CACNA2D1: variants seen among roughly 807,000 people sequenced by gnomAD.
The protein encoded by CACNA2D1 is voltage-dependent calcium channel subunit alpha-2/delta-1.
In CACNA2D1, 53 loss-of-function variants were observed where a neutral mutation model predicts 171.5. The ratio of observed to expected loss-of-function variants is 0.31; its 90% CI spans 0.25 to 0.39. The LOEUF is 0.39. Among genes scored for constraint, CACNA2D1 ranks in the 10% least tolerant of loss-of-function variants. The pLI, the probability that CACNA2D1 is intolerant of heterozygous loss-of-function variation, is 1.00. For synonymous variants in CACNA2D1, 442 were observed against 443.1 expected, an observed-to-expected ratio of 1.00 and a Z score of 0.03; for missense variants, 903 against 1,299.8, an observed-to-expected ratio of 0.69 and a Z score of 4.69.
chr7:81,984,739 CACAA>C (rs747054957), intron 21 of CACNA2D1, 28 bp from the exon 22 acceptor site: 2 of 1,145,308 alleles, frequency 1.7e-6, no homozygotes, highest in East Asian at 2.5e-5. Flanking sequence ...GAAGCATAAA[CACAA>C]ACAAACAAAA....
At chr7:82,314,133 T>A (rs1164462118) in intron 3 of CACNA2D1, among the ~76,000 whole-genome samples, 1 of 152,208 alleles carries the variant, frequency 6.6e-6, no homozygotes, top group East Asian at 1.9e-4. Flanking sequence ...TTCTTTTATA[T>A]CTGAATCCCA....
intron 4 of CACNA2D1, among the ~76,000 whole-genome samples, chr7:82,153,114 G>A (rs1016635652): frequency 1.9e-4 from 28 of 149,396 alleles, no homozygotes; most frequent in Admixed American, 7.5e-4. Context: ...TTTCAGACAG[G>A]CACTATTCTT....
At chr7:82,376,212 C>T (rs780272748) in intron 1 of CACNA2D1, among the ~76,000 whole-genome samples, 1 of 152,064 alleles carries the variant, frequency 6.6e-6, no homozygotes, top group African/African-American at 2.4e-5. Flanking sequence ...GATATTTATC[C>T]GTCTTGCCAT....
intron 2 of CACNA2D1, among the ~76,000 whole-genome samples, chr7:82,340,110 T>G (rs768158694): frequency 6.6e-6 from 1 of 152,164 alleles, no homozygotes; most frequent in Non-Finnish European, 1.5e-5. Context: ...ATAATGAATC[T>G]GCATTGTTTT....
chr7:82,400,278 T>C (rs1419220195), intron 1 of CACNA2D1, among the ~76,000 whole-genome samples: 4 of 151,644 alleles, frequency 2.6e-5, no homozygotes, highest in East Asian at 1.9e-4. Context: ...ATTGAATCTG[T>C]AAATTACCTT....
chr7:82,168,223 A>G (rs1472301393), intron 4 of CACNA2D1, among the ~76,000 whole-genome samples: 1 of 151,878 alleles, frequency 6.6e-6, no homozygotes, highest in Non-Finnish European at 1.5e-5. Context: ...GGCTCACTGC[A>G]CCCTCCACCT....
intron 3 of CACNA2D1, among the ~76,000 whole-genome samples, chr7:82,231,475 A>G (rs924340780): frequency 6.6e-6 from 1 of 152,156 alleles, no homozygotes; most frequent in African/African-American, 2.4e-5. Flanking sequence ...TCACATTTTC[A>G]AAGAGCTATT....
rs773980191 is a variant in CACNA2D1, at chr7:81,950,426, C to A, written c.3242G>T (p.Trp1081Leu). The stretch of plus-strand genomic sequence containing the variant: ...GCGGTGTGTGCTGCCAGATACCAGC[C>A]AAAGTAGTAGAAACTGGATTCCAAT... Reference protein sequence around the residue: ...YIIGIQFLLLWLVSGSTHRLL With the variant: ...YIIGIQFLLLLLVSGSTHRLL The change falls in exon 39 of 39, where the codon TGG (tryptophan) becomes TTG (leucine). Residue 1081 changes from tryptophan (W) to leucine (L), a missense_variant. Around this residue, in one of 5 missense-constraint regions of CACNA2D1, gnomAD observed 38 missense variants for 29.2 expected, o/e 1.30. Transcript: ENST00000356860. 53 of 1,612,914 alleles carry A rather than the reference C, an allele frequency of 3.3e-5. No individual in the cohort carries two copies. Among genetic ancestry groups the A allele is most frequent in the Non-Finnish European group, 4.5e-5 (53 of 1,179,516 alleles).
chr7:82,093,409 C>T lies in CACNA2D1; in HGVS notation c.527-8509G>A, dbSNP rs995731819. 2.0e-5 allele frequency among the ~76,000 whole-genome samples: 3 copies of T among 152,192 alleles called. No individual in the cohort carries two copies. In the South Asian group the frequency reaches 6.2e-4, roughly 32 times the overall value. On this transcript the variant is annotated intron_variant, in intron 6 of 38. Coordinates refer to ENST00000356860, the MANE Select transcript of CACNA2D1 (RefSeq NM_000722.4). Reference sequence around the variant, plus strand: ...TATTTTTAATTTATCTTGATAAATTCTGATCTGACTCCTAAAATCCAAGTA... The same window carrying T: ...TATTTTTAATTTATCTTGATAAATTTTGATCTGACTCCTAAAATCCAAGTA...
At chr7:82,040,521 C>CA (rs1254201614) in intron 10 of CACNA2D1, among the ~76,000 whole-genome samples, 3 of 124,348 alleles carry the variant, frequency 2.4e-5, no homozygotes, top group Admixed American at 7.9e-5. Context: ...GAAAACAAAA[C>CA]AAAAAAAAGT....
chr7:81,975,305 T>A (rs1175767758), intron 24 of CACNA2D1, among the ~76,000 whole-genome samples: 1 of 152,146 alleles, frequency 6.6e-6, no homozygotes, highest in African/African-American at 2.4e-5. Flanking sequence ...GTTCATTACA[T>A]GTTAATATAT....
At chr7:82,249,890 T>C (rs1041744855) in intron 3 of CACNA2D1, among the ~76,000 whole-genome samples, 3 of 152,106 alleles carry the variant, frequency 2.0e-5, no homozygotes, top group African/African-American at 7.2e-5. Flanking sequence ...AATAGGAAAA[T>C]GATTGGTGAG....
chr7:82,379,212 T>C (rs1823396217), intron 1 of CACNA2D1, among the ~76,000 whole-genome samples: 1 of 152,084 alleles, frequency 6.6e-6, no homozygotes, highest in Non-Finnish European at 1.5e-5. Flanking sequence ...AGTTCATTTG[T>C]AAGCTTTAAA....
chr7:82,341,912 GGCGTGGTGGCAGGCACCT>G (rs1818691843), intron 2 of CACNA2D1, among the ~76,000 whole-genome samples: 1 of 151,718 alleles, frequency 6.6e-6, no homozygotes, highest in Non-Finnish European at 1.5e-5. Context: ...AAATTAGCCA[GGCGTGGTGGCAGGCACCT>G]GTAGTCCCAG....
chr7:82,167,764 T>C (rs566867875), intron 4 of CACNA2D1, among the ~76,000 whole-genome samples: 1 of 152,190 alleles, frequency 6.6e-6, no homozygotes, highest in Non-Finnish European at 1.5e-5. Flanking sequence ...TGTTTTCCCT[T>C]TAACAGTCTC....
intron 26 of CACNA2D1, 86 bp downstream of exon 26, chr7:81,971,691 T>A: frequency 1.3e-6 from 1 of 781,940 alleles, no homozygotes; most frequent in East Asian, 2.6e-5. Flanking sequence ...GAACTGTAAA[T>A]TTATGAGATT....
chr7:82,021,723 A>G (rs1299182005), intron 12 of CACNA2D1, among the ~76,000 whole-genome samples: 3 of 152,074 alleles, frequency 2.0e-5, no homozygotes, highest in Non-Finnish European at 4.4e-5. Flanking sequence ...TAATTAAAAA[A>G]TGGTAATCTG....
At chr7:82,034,209 T>C (rs1157269301) in intron 11 of CACNA2D1, among the ~76,000 whole-genome samples, 1 of 152,090 alleles carries the variant, frequency 6.6e-6, no homozygotes, top group African/African-American at 2.4e-5. Flanking sequence ...CCACCTGTGA[T>C]TGTTGTTACC....
At position 82,247,468 on chromosome 7, in the gene CACNA2D1, C is replaced by T. The variant is rs370428205; in HGVS notation, c.295-76859G>A. 2.6e-4 allele frequency among the ~76,000 whole-genome samples: 39 copies of T among 151,888 alleles called. 1 individual carries two copies. Among genetic ancestry groups the T allele is most frequent in the East Asian group, 2.5e-3 (13 of 5,154 alleles). On this transcript the variant is annotated intron_variant, in intron 3 of 38. Transcript: ENST00000356860. ...GGGGCTGCAGTGAGCTGACATCATACCCCTGGACTCCAGCAAAAGAGCCAG... is the reference window on the plus strand; with the variant it reads ...GGGGCTGCAGTGAGCTGACATCATATCCCTGGACTCCAGCAAAAGAGCCAG...
Sources: allele counts gnomAD v4.1 joint callset (sites outside exome capture counted in the v4.1 genomes callset), GRCh38; gene constraint gnomAD v4.1.1; regional missense constraint gnomAD v4.1.1; transcripts MANE v1.5; gene names NCBI Gene and HGNC (gene_info 2026-07-23, HGNC 2026-07-21).